The following OPCML variants were observed in gnomAD, a reference collection of about 807,000 sequenced individuals.
The protein encoded by OPCML is opioid-binding protein/cell adhesion molecule.
A neutral mutation model predicts 37.8 loss-of-function variants in OPCML; 13 were observed. The observed-to-expected ratio is 0.34, with a 90% CI of 0.22 to 0.55. OPCML has a LOEUF of 0.55. OPCML is among the 20% of genes least tolerant of loss of function. The pLI, the probability that OPCML is intolerant of heterozygous loss-of-function variation, is 0.91. For missense variants in OPCML, 341 were observed against 435.6 expected (o/e 0.78, Z 1.93); for synonymous variants, 176 against 168.8 (o/e 1.04, Z -0.33).
intron 4 of OPCML, among the ~76,000 whole-genome samples, chr11:132,497,297 G>A (rs1565613848): frequency 6.6e-6 from 1 of 151,834 alleles, no homozygotes; most frequent in Non-Finnish European, 1.5e-5. Context: ...AATGGATGCT[G>A]GGCTTAATAC....
intron 4 of OPCML, among the ~76,000 whole-genome samples, chr11:132,466,039 T>C (rs1017808575): frequency 6.6e-6 from 1 of 152,120 alleles, no homozygotes; most frequent in Non-Finnish European, 1.5e-5. Context: ...TGCACACCTA[T>C]ATAGAGAAAT....
chr11:133,354,989 T>C (rs964665908), intron 1 of OPCML, among the ~76,000 whole-genome samples: 4 of 152,162 alleles, frequency 2.6e-5, no homozygotes, highest in Non-Finnish European at 4.4e-5. Context: ...AAGGATGGAA[T>C]AAAAAGAAAA....
chr11:132,859,247 T>C (rs1010621256), intron 2 of OPCML: 17 of 152,326 alleles, frequency 1.1e-4, no homozygotes, highest in African/African-American at 3.8e-4. Context: ...GAAGCATGCA[T>C]ACCTTGTATG....
intron 2 of OPCML, among the ~76,000 whole-genome samples, chr11:132,873,715 C>CA (rs34642015): frequency 0.043 from 4,787 of 111,172 alleles, 105 homozygotes; most frequent in Non-Finnish European, 0.063. Flanking sequence ...CAGTTGGGCA[C>CA]AAAAAAAAAA....
intron 1 of OPCML, chr11:133,005,765 T>C (rs1947098864): frequency 1.0e-6 from 1 of 983,120 alleles, no homozygotes; most frequent in Middle Eastern, 5.2e-4. Flanking sequence ...AAAAATTGAA[T>C]CACATTATTT....
chr11:133,195,128 A>G (rs1330235213), intron 1 of OPCML, among the ~76,000 whole-genome samples: 1 of 152,158 alleles, frequency 6.6e-6, no homozygotes, highest in African/African-American at 2.4e-5. Context: ...TAGGTGCTTA[A>G]TATATACTTA....
intron 1 of OPCML, among the ~76,000 whole-genome samples, chr11:133,323,092 C>G (rs921937071): frequency 6.6e-6 from 1 of 152,194 alleles, no homozygotes; most frequent in Non-Finnish European, 1.5e-5. Context: ...ACGTTGACCA[C>G]CACTAGTACT....
intron 1 of OPCML, among the ~76,000 whole-genome samples, chr11:133,509,032 C>G (rs1285835892): frequency 2.0e-5 from 3 of 151,996 alleles, no homozygotes; most frequent in African/African-American, 7.3e-5. Flanking sequence ...GTGTCAGGCA[C>G]AGTGCTGAAG....
intron 1 of OPCML, among the ~76,000 whole-genome samples, chr11:133,178,782 G>A (rs1937678266): frequency 1.3e-5 from 2 of 152,262 alleles, no homozygotes; most frequent in African/African-American, 4.8e-5. Context: ...TTCATAGTTT[G>A]GGGGAGTTTA....
At chr11:133,314,931 C>T (rs1255854191) in intron 1 of OPCML, among the ~76,000 whole-genome samples, 2 of 152,076 alleles carry the variant, frequency 1.3e-5, no homozygotes, top group Admixed American at 6.6e-5. Flanking sequence ...TCGTTTCATC[C>T]GAAATATTTG....
intron 4 of OPCML, among the ~76,000 whole-genome samples, chr11:132,456,073 A>C (rs974527783): frequency 6.6e-6 from 1 of 152,144 alleles, no homozygotes; most frequent in African/African-American, 2.4e-5. Context: ...TCACTATCTC[A>C]TTCTCACAGC....
chr11:133,401,405 G>T (rs1276409014), intron 1 of OPCML, among the ~76,000 whole-genome samples: 1 of 151,980 alleles, frequency 6.6e-6, no homozygotes, highest in Non-Finnish European at 1.5e-5. Context: ...TATCTCATTT[G>T]ACTTTTCTAA....
intron 4 of OPCML, among the ~76,000 whole-genome samples, chr11:132,489,207 G>A (rs1001944646): frequency 2.0e-5 from 3 of 151,886 alleles, no homozygotes; most frequent in African/African-American, 2.4e-5. Flanking sequence ...CCTACACAGG[G>A]TCAGGATCAT....
intron 3 of OPCML, among the ~76,000 whole-genome samples, chr11:132,539,616 G>A (rs2096350702): frequency 6.6e-6 from 1 of 152,138 alleles, no homozygotes; most frequent in African/African-American, 2.4e-5. Flanking sequence ...GATGGTGATA[G>A]TGATAATAAC....
At chr11:132,502,702 A>G (rs2096248139) in intron 4 of OPCML, among the ~76,000 whole-genome samples, 1 of 152,210 alleles carries the variant, frequency 6.6e-6, no homozygotes. Context: ...GTGAAACAAG[A>G]GTTTTATTTA....
intron 1 of OPCML, among the ~76,000 whole-genome samples, chr11:133,103,945 T>TAA (rs1949121704): frequency 6.6e-6 from 1 of 152,222 alleles, no homozygotes; most frequent in South Asian, 2.1e-4. Context: ...CTAATGATGT[T>TAA]AATGAGCCTT....
intron 1 of OPCML, among the ~76,000 whole-genome samples, chr11:133,076,351 T>G (rs1271148580): frequency 1.3e-5 from 2 of 152,192 alleles, no homozygotes; most frequent in Non-Finnish European, 2.9e-5. Flanking sequence ...AGGTGATGTC[T>G]GGGATGAATT....
At chr11:133,128,276 G>A (rs1159443153) in intron 1 of OPCML, among the ~76,000 whole-genome samples, 2 of 152,118 alleles carry the variant, frequency 1.3e-5, no homozygotes, top group East Asian at 3.9e-4. Context: ...CTATGGAGGT[G>A]GAATCCAGAT....
chr11:132,592,637 G>A (rs1565692591), intron 3 of OPCML, among the ~76,000 whole-genome samples: 1 of 152,204 alleles, frequency 6.6e-6, no homozygotes, highest in Non-Finnish European at 1.5e-5. Flanking sequence ...TCCTTGACAT[G>A]CTTGGCTTAA....
Sources: gnomAD v4.1 joint callset for allele counts (sites outside exome capture counted in the v4.1 genomes callset) on GRCh38, gnomAD v4.1.1 for gene constraint, MANE v1.5 for transcripts, NCBI Gene and HGNC (gene_info 2026-07-23, HGNC 2026-07-21) for gene names.